The following SMARCC2 variants were observed in gnomAD, a reference collection of about 807,000 sequenced individuals.
The protein encoded by SMARCC2 is SWI/SNF related BAF chromatin remodeling complex subunit C2.
A neutral mutation model predicts 151.3 loss-of-function variants in SMARCC2; 15 were observed. The ratio of observed to expected loss-of-function variants is 0.10; its 90% CI spans 0.07 to 0.15. SMARCC2 has a LOEUF of 0.15. Ranked by LOEUF, SMARCC2 falls within the 10% of genes least tolerant of loss-of-function variation. The pLI, the probability that SMARCC2 is intolerant of heterozygous loss-of-function variation, is 1.00. For synonymous variants in SMARCC2, 590 were observed against 609.5 expected (o/e 0.97, Z 0.47); for missense variants, 1,031 against 1,599.7 (o/e 0.64, Z 6.06).
At chr12:56,186,943 G>A (rs1394297303) in intron 2 of SMARCC2, 1 of 334,044 alleles carries the variant, frequency 3.0e-6, no homozygotes, top group Admixed American at 4.3e-5. Context: ...TGCCATGAGA[G>A]ACCTGTGGAC....
At position 56,163,312 on chromosome 12, in the gene SMARCC2, G is replaced by T. The variant is rs1400817968; in HGVS notation, c.*377C>A. On this transcript the variant is annotated 3_prime_UTR_variant, in exon 29 of 29. Transcript: ENST00000550164. ...GTGGGTAGAAGGGAGCTCCAATGTG[G>T]CTTTTTAAAATCTACTTTTTTTTTT... 1 of 152,470 alleles carries T rather than the reference G, an allele frequency of 6.6e-6. No individual in the cohort carries two copies. Among genetic ancestry groups the T allele is most frequent in the East Asian group, 1.9e-4 (1 of 5,352 alleles). The allele number at this position is 152,470 out of a possible 1,614,324, so 9.4% of individuals were successfully genotyped here. A position where few individuals can be genotyped will look rare whatever the true frequency, so the allele number is the denominator to read the frequency against.
intron 1 of SMARCC2, among the ~76,000 whole-genome samples, chr12:56,189,116 C>G (rs1450479225): frequency 6.8e-6 from 1 of 146,014 alleles, no homozygotes; most frequent in Non-Finnish European, 1.5e-5. Context: ...TAGAGAAAAA[C>G]AAGGGGCAGA....
At chr12:56,180,325 G>A (rs1875925583) in intron 11 of SMARCC2, among the ~76,000 whole-genome samples, 1 of 151,438 alleles carries the variant, frequency 6.6e-6, no homozygotes, top group African/African-American at 2.4e-5. Flanking sequence ...TAGCCAGGAT[G>A]GTCTCGATCT....
At chr12:56,180,923 G>A (rs560714605) in intron 11 of SMARCC2, 54 bp downstream of exon 11, 2 of 1,564,642 alleles carry the variant, frequency 1.3e-6, no homozygotes, top group Admixed American at 1.9e-5. Context: ...TTTGGCAAAG[G>A]AGAGTCAAGA....
At position 56,171,229 on chromosome 12, in the gene SMARCC2, T is replaced by A. The variant is rs1370682604; in HGVS notation, c.2347+42A>T. On this transcript the variant is annotated intron_variant, in intron 22 of 28. Transcript: ENST00000550164. This position sits in a 1 kb window ranked among gnomAD's most constrained non-coding sequence, Gnocchi z 4.2. The stretch of plus-strand genomic sequence containing the variant: ...GCACAGGAGGCCAGGTAGCTCTGGA[T>A]CTTGTGAAAGGCAAGAAATCTGGGA... The A allele has an allele frequency of 6.2e-7, 1 of 1,607,180 alleles. No individual in the cohort carries two copies. Among genetic ancestry groups the A allele is most frequent in the East Asian group, 2.2e-5 (1 of 44,758 alleles).
In SMARCC2 at chr12:56,178,543, A is replaced by G; in HGVS notation, c.1180-9T>C. 1 of 1,614,178 alleles carries G rather than the reference A, an allele frequency of 6.2e-7. No homozygotes were observed. The highest frequency in any genetic ancestry group is 8.5e-7 in the Non-Finnish European group (1 of 1,180,020). On this transcript the variant is annotated splice_polypyrimidine_tract_variant and intron_variant, in intron 13 of 28. Coordinates refer to ENST00000550164, the MANE Select transcript of SMARCC2 (RefSeq NM_001330288.2). ...CTGTTCTCATCCTCATCCTACGAGTATGGAGGCTGCTGGACACTCAGCATT... is the reference window on the plus strand; with the variant it reads ...CTGTTCTCATCCTCATCCTACGAGTGTGGAGGCTGCTGGACACTCAGCATT...
chr12:56,172,905 G>T, intron 18 of SMARCC2, 32 bp downstream of exon 18: 1 of 1,606,990 alleles, frequency 6.2e-7, no homozygotes. Context: ...AGGGGAAAAT[G>T]AGCAGCCCAG....
In SMARCC2 at chr12:56,162,894, C is replaced by T. The variant is rs1872067984; in HGVS notation, c.*795G>A. 1 of 152,536 alleles carries T rather than the reference C, an allele frequency of 6.6e-6. No individual in the cohort carries two copies. The highest frequency in any genetic ancestry group is 6.5e-5 in the Admixed American group (1 of 15,316). The allele number at this position is 152,536 out of a possible 1,614,324, so 9.4% of individuals were successfully genotyped here. On this transcript the variant is annotated 3_prime_UTR_variant, in exon 29 of 29. Coordinates refer to ENST00000550164, the MANE Select transcript of SMARCC2 (RefSeq NM_001330288.2). ...AGCCCAGGGAAGGAAGGAGAACAGC[C>T]CCCAGTGCCCTTTCTTCTCCTATTA...
At chr12:56,172,077 A>T (rs1247310940) in intron 20 of SMARCC2, 140 bp from the exon 21 acceptor site, 2 of 692,676 alleles carry the variant, frequency 2.9e-6, no homozygotes, top group Non-Finnish European at 4.8e-6. Flanking sequence ...TCCAAGGGGG[A>T]TCTTGAAGTA....
Position 56,170,883 on chromosome 12 carries a change from C to A in SMARCC2, c.2347+388G>T, listed in dbSNP as rs563960853. Among the ~76,000 whole-genome samples, 3 of 152,064 alleles carry A rather than the reference C, an allele frequency of 2.0e-5. No homozygotes were observed. The East Asian group carries it at 5.8e-4, about 29-fold the overall frequency. Reference sequence around the variant, plus strand: ...AAGTAGCTGGGATTACAGGCACGTGCCACCACGCCCAGCTAATTTTTGTAT... The same window carrying A: ...AAGTAGCTGGGATTACAGGCACGTGACACCACGCCCAGCTAATTTTTGTAT... On this transcript the variant is annotated intron_variant, in intron 22 of 28. Coordinates refer to ENST00000550164, the MANE Select transcript of SMARCC2 (RefSeq NM_001330288.2).
chr12:56,187,143 TCAC>T (rs1307972734), intron 2 of SMARCC2, 41 bp downstream of exon 2: 7 of 1,566,058 alleles, frequency 4.5e-6, no homozygotes, highest in Non-Finnish European at 5.2e-6. Context: ...TTTGAAGGAT[TCAC>T]CACCACCACC....
At chr12:56,177,196 G>A (rs1351274654) in intron 15 of SMARCC2, among the ~76,000 whole-genome samples, 1 of 151,200 alleles carries the variant, frequency 6.6e-6, no homozygotes. Context: ...CGCCCGCCTC[G>A]GCCTCCCAAA....
At chr12:56,178,775 CAT>C (rs939750637) in intron 13 of SMARCC2, 33 bp downstream of exon 13, 1 of 1,592,288 alleles carries the variant, frequency 6.3e-7, no homozygotes, top group Non-Finnish European at 8.6e-7. Flanking sequence ...ATCAGAATCA[CAT>C]AGAGAGGTAG....
chr12:56,183,627 G>GA (rs1337930043), intron 7 of SMARCC2: 2 of 415,470 alleles, frequency 4.8e-6, no homozygotes, highest in Non-Finnish European at 8.7e-6. Flanking sequence ...TTTACTTATC[G>GA]AAAATGATGC....
In SMARCC2 at chr12:56,163,003, CAA is replaced by C. The variant is rs1872085625; in HGVS notation, c.*684_*685del. On this transcript the variant is annotated 3_prime_UTR_variant, in exon 29 of 29. Transcript: ENST00000550164. ...CAACTAAGCAAGTGACTTTTAAAAA[CAA>C]AACTGACATTCAGAGGGAAAGGAAT... is the stretch of plus-strand genomic sequence containing the variant. 1 of 152,180 alleles carries C rather than the reference CAA, an allele frequency of 6.6e-6. No individual in the cohort carries two copies. The highest frequency in any genetic ancestry group is 1.5e-5 in the Non-Finnish European group (1 of 68,028). 9.4% of individuals were successfully genotyped at this position (152,180 alleles called of 1,614,324 possible). A position where few individuals can be genotyped will look rare whatever the true frequency, so the allele number is the denominator to read the frequency against.
At chr12:56,186,308 C>A in intron 2 of SMARCC2, 68 bp from the exon 3 acceptor site, 14 of 893,646 alleles carry the variant, frequency 1.6e-5, no homozygotes, top group Non-Finnish European at 2.2e-5. Flanking sequence ...ACTTAATAAT[C>A]TAATAATCCT....
chr12:56,178,904 T>TA (rs1224296853), intron 12 of SMARCC2, 57 bp from the exon 13 acceptor site: 1 of 1,604,404 alleles, frequency 6.2e-7, no homozygotes, highest in Non-Finnish European at 8.5e-7. Context: ...AAGAAAGCCC[T>TA]ACCAAAAGCC....
In SMARCC2 at chr12:56,171,401, G is replaced by A. The variant is rs1873928169; in HGVS notation, c.2217C>T (p.Pro739=). ...GAACATGGGCCTCCACCAAGGCCGT[G>A]GGTACCTCTTCCTTCATTTTGGAGA... The part of the protein sequence containing the change: ...EEFSKMKEEV[P]TALVEAHVRK... Residue 739 remains proline (P), a synonymous_variant, in exon 22 of 29, where the codon CCC becomes CCT. Coordinates refer to ENST00000550164, the MANE Select transcript of SMARCC2 (RefSeq NM_001330288.2). The surrounding 1 kb of genome is among the most constrained non-coding windows in gnomAD (Gnocchi z 4.2). 6.2e-7 allele frequency: 1 copy of A among 1,614,198 alleles called. No individual in the cohort carries two copies. The highest frequency in any genetic ancestry group is 8.5e-7 in the Non-Finnish European group (1 of 1,180,026).
rs1244661078 is a variant in SMARCC2 at position 56,183,855 on chromosome 12, C to A, written c.632+6G>T. On this transcript the variant is annotated splice_donor_region_variant and intron_variant, in intron 7 of 28. Coordinates refer to ENST00000550164, the MANE Select transcript of SMARCC2 (RefSeq NM_001330288.2). ...ACTTAAACCTGCCCCAGGAACCCATCCTCACCTGTCAGGATAGTAGCCCCA... is the reference window on the plus strand; with the variant it reads ...ACTTAAACCTGCCCCAGGAACCCATACTCACCTGTCAGGATAGTAGCCCCA... 2 of 1,611,354 alleles carry A rather than the reference C, an allele frequency of 1.2e-6. No individual in the cohort carries two copies. The highest frequency in any genetic ancestry group is 2.2e-5 in the East Asian group (1 of 44,874).
Sources: gnomAD v4.1 joint callset for allele counts (sites outside exome capture counted in the v4.1 genomes callset) on GRCh38, gnomAD v4.1.1 for gene constraint, Gnocchi (gnomAD v3.1) non-coding constraint, MANE v1.5 for transcripts, NCBI Gene and HGNC (gene_info 2026-07-23, HGNC 2026-07-21) for gene names.